The following MAGI3 variants were observed in gnomAD, a reference collection of about 807,000 sequenced individuals.
The protein encoded by MAGI3 is membrane-associated guanylate kinase, WW and PDZ domain-containing protein 3.
A neutral mutation model predicts 121.8 loss-of-function variants in MAGI3; 43 were observed. The observed-to-expected ratio is 0.35, with a 90% CI of 0.28 to 0.46. The LOEUF (loss-of-function observed/expected upper bound fraction) is 0.46, where lower values mean the gene tolerates loss of function less well. Ranked by LOEUF, MAGI3 falls within the 20% of genes least tolerant of loss-of-function variation. The pLI, the probability that MAGI3 is intolerant of heterozygous loss-of-function variation, is 1.00. For synonymous variants in MAGI3, 553 were observed against 639.3 expected, an observed-to-expected ratio of 0.86 and a Z score of 2.04; for missense variants, 1,547 against 1,797.3, an observed-to-expected ratio of 0.86 and a Z score of 2.52.
intron 4 of MAGI3, among the ~76,000 whole-genome samples, chr1:113,587,354 C>T (rs545432907): frequency 6.6e-6 from 1 of 152,258 alleles, no homozygotes; most frequent in Non-Finnish European, 1.5e-5. Context: ...TGCCACCCTG[C>T]CCAGATAATT....
At position 113,641,978 on chromosome 1, in the gene MAGI3, G is replaced by A. The variant is rs1164822153; in HGVS notation, c.1428G>A (p.Met476Ile). 2 of 1,613,596 alleles carry A rather than the reference G, an allele frequency of 1.2e-6. No homozygotes were observed. Among genetic ancestry groups the A allele is most frequent in the African/African-American group, 1.3e-5 (1 of 74,904 alleles). Residue 476 changes from methionine to isoleucine, a missense_variant, in exon 10 of 21, where the codon ATG becomes ATA. By Grantham distance (10) the Met-to-Ile change is conservative. Transcript: ENST00000307546. ...LGHTHADVVQ[M>I]FQLVPVNQYV... ...ACACTCATGCAGATGTTGTCCAGATGTTTCAATTGGTACCTGTCAATCAGT... is the reference window on the plus strand; with the variant it reads ...ACACTCATGCAGATGTTGTCCAGATATTTCAATTGGTACCTGTCAATCAGT...
chr1:113,545,136 G>A (rs866783533), intron 1 of MAGI3, among the ~76,000 whole-genome samples: 6 of 151,732 alleles, frequency 4.0e-5, no homozygotes, highest in South Asian at 2.1e-4. Context: ...GGAGACAAGA[G>A]AGAGACAAAT....
At chr1:113,605,197 A>G (rs539766829) in intron 6 of MAGI3, among the ~76,000 whole-genome samples, 1 of 152,254 alleles carries the variant, frequency 6.6e-6, no homozygotes, top group African/African-American at 2.4e-5. Flanking sequence ...AACTAGAATG[A>G]TTATGACAGC....
chr1:113,535,925 G>T (rs190334508), intron 1 of MAGI3, among the ~76,000 whole-genome samples: 1 of 152,144 alleles, frequency 6.6e-6, no homozygotes, highest in Admixed American at 6.5e-5. Flanking sequence ...TCTGAAACCT[G>T]TTCTTCTCCT....
At chr1:113,639,195 C>A (rs796545473) in intron 9 of MAGI3, among the ~76,000 whole-genome samples, 1 of 152,248 alleles carries the variant, frequency 6.6e-6, no homozygotes, top group African/African-American at 2.4e-5. Context: ...CCGAGTGAGG[C>A]AATGCCTCGC....
chr1:113,544,406 A>G (rs1211486712), intron 1 of MAGI3, among the ~76,000 whole-genome samples: 2 of 152,252 alleles, frequency 1.3e-5, no homozygotes, highest in Admixed American at 6.5e-5. Flanking sequence ...GAACTGAAAC[A>G]TGGTTATGCC....
At position 113,430,661 on chromosome 1, in the gene MAGI3, A is replaced by G. The variant is rs568435934; in HGVS notation, c.316+39312A>G. Reference sequence around the variant, plus strand: ...ATAGTTCTCAAATTGTGTTCGTACTAGATCAGTTATCTGGCTGATTGTTCT... The same window carrying G: ...ATAGTTCTCAAATTGTGTTCGTACTGGATCAGTTATCTGGCTGATTGTTCT... On this transcript the variant is annotated intron_variant, in intron 1 of 20. Transcript: ENST00000307546. Among the ~76,000 whole-genome samples the G allele has an allele frequency of 5.9e-5, 9 of 152,332 alleles. No individual in the cohort carries two copies. In the East Asian group the frequency reaches 1.5e-3, roughly 26 times the overall value.
intron 1 of MAGI3, among the ~76,000 whole-genome samples, chr1:113,452,249 A>G (rs1342361787): frequency 6.6e-6 from 1 of 152,080 alleles, no homozygotes; most frequent in African/African-American, 2.4e-5. Context: ...TCTGTTTAGG[A>G]TTAAGGTTCA....
chr1:113,489,647 T>A (rs1557784735), intron 1 of MAGI3, among the ~76,000 whole-genome samples: 1 of 151,826 alleles, frequency 6.6e-6, no homozygotes, highest in Non-Finnish European at 1.5e-5. Flanking sequence ...AAAATCAGGA[T>A]AAAACAATGC....
chr1:113,645,328 T>C (rs1220527871), intron 11 of MAGI3, among the ~76,000 whole-genome samples: 4 of 152,116 alleles, frequency 2.6e-5, no homozygotes, highest in African/African-American at 4.8e-5. Context: ...CCGGCCAGCT[T>C]CTGCCCTTTT....
At chr1:113,680,628 G>C (rs1427941203) in intron 19 of MAGI3, among the ~76,000 whole-genome samples, 4 of 152,008 alleles carry the variant, frequency 2.6e-5, no homozygotes, top group Non-Finnish European at 4.4e-5. Context: ...GTGGTGGCGG[G>C]CGCCTGTAGT....
chr1:113,612,673 A>G (rs904544925), intron 6 of MAGI3, among the ~76,000 whole-genome samples: 2 of 152,188 alleles, frequency 1.3e-5, no homozygotes, highest in African/African-American at 4.8e-5. Context: ...GTAAAGGTGT[A>G]AAATTAATAA....
chr1:113,406,357 A>G (rs1231302402), intron 1 of MAGI3, among the ~76,000 whole-genome samples: 8 of 151,078 alleles, frequency 5.3e-5, no homozygotes. Context: ...CTAAGATAAG[A>G]GGATCACATG....
intron 1 of MAGI3, among the ~76,000 whole-genome samples, chr1:113,532,063 A>G (rs924907635): frequency 6.6e-6 from 1 of 152,206 alleles, no homozygotes; most frequent in Admixed American, 6.5e-5. Flanking sequence ...ATACAATAAG[A>G]GCTACATAAT....
chr1:113,669,291 G>A (rs953776305), intron 16 of MAGI3, among the ~76,000 whole-genome samples: 10 of 152,164 alleles, frequency 6.6e-5, no homozygotes, highest in South Asian at 6.2e-4. Flanking sequence ...CAGGAATATC[G>A]AGATAACTGA....
chr1:113,487,100 A>T (rs926248525), intron 1 of MAGI3, among the ~76,000 whole-genome samples: 1 of 152,232 alleles, frequency 6.6e-6, no homozygotes, highest in Non-Finnish European at 1.5e-5. Context: ...AATTTAACAG[A>T]TATTTAAACT....
At chr1:113,597,089 G>T (rs77312325) in intron 6 of MAGI3, among the ~76,000 whole-genome samples, 1,979 of 152,214 alleles carry the variant, frequency 0.013, 44 homozygotes, top group African/African-American at 0.045. Flanking sequence ...ATTAACCAAT[G>T]AGCAGATAAA....
At chr1:113,537,866 T>C (rs1255019088) in intron 1 of MAGI3, among the ~76,000 whole-genome samples, 1 of 152,218 alleles carries the variant, frequency 6.6e-6, no homozygotes, top group Non-Finnish European at 1.5e-5. Context: ...TTTTAAAAAA[T>C]ATTTTAAATG....
chr1:113,426,501 C>T (rs545127001), intron 1 of MAGI3, among the ~76,000 whole-genome samples: 1 of 152,284 alleles, frequency 6.6e-6, no homozygotes, highest in African/African-American at 2.4e-5. Flanking sequence ...AAGTCCCCAT[C>T]TATAATTGTG....
Sources: gnomAD v4.1 joint callset for allele counts (sites outside exome capture counted in the v4.1 genomes callset) on GRCh38, gnomAD v4.1.1 for gene constraint, MANE v1.5 for transcripts, NCBI Gene and HGNC (gene_info 2026-07-23, HGNC 2026-07-21) for gene names.